SARDH: variants seen among roughly 807,000 people sequenced by gnomAD.
SARDH encodes sarcosine dehydrogenase.
In SARDH, 95 loss-of-function variants were observed where a neutral mutation model predicts 109.1. That is an observed-to-expected ratio of 0.87 (90% CI 0.74 to 1.03). SARDH has a LOEUF of 1.03. Ranked by LOEUF, SARDH falls within the 50% of genes least tolerant of loss-of-function variation. SARDH has a pLI of 0.00. For synonymous variants in SARDH, 572 were observed against 534.8 expected (o/e 1.07, Z -0.96); for missense variants, 1,267 against 1,287.8 (o/e 0.98, Z 0.25).
intron 6 of SARDH, among the ~76,000 whole-genome samples, chr9:133,719,327 G>A (rs1235176865): frequency 6.6e-6 from 1 of 152,166 alleles, no homozygotes; most frequent in Non-Finnish European, 1.5e-5. Context: ...GGAAGGGAGG[G>A]AAGCAAAACA....
chr9:133,737,299 A>AG (rs1832917004), intron 1 of SARDH, among the ~76,000 whole-genome samples: 3 of 152,210 alleles, frequency 2.0e-5, no homozygotes, highest in Non-Finnish European at 4.4e-5. Context: ...GTCTGATTGC[A>AG]GCGGCGTAGG....
intron 6 of SARDH, among the ~76,000 whole-genome samples, chr9:133,723,109 A>G (rs551829123): frequency 6.6e-6 from 1 of 152,238 alleles, no homozygotes; most frequent in Non-Finnish European, 1.5e-5. Context: ...AAAAACTAGA[A>G]AATACTTTCG....
intron 17 of SARDH, among the ~76,000 whole-genome samples, chr9:133,676,087 T>C (rs1235762439): frequency 1.6e-5 from 2 of 126,674 alleles, no homozygotes; most frequent in Non-Finnish European, 3.1e-5. Flanking sequence ...TAAGACCCTG[T>C]CTGAAATTAA....
chr9:133,663,513 C>T (rs1005037072), downstream of SARDH: 6 of 261,720 alleles, frequency 2.3e-5, no homozygotes, highest in African/African-American at 4.3e-5. Flanking sequence ...AGCCCGCCAC[C>T]GATCAGTCAA....
In SARDH at chr9:133,728,543, G is replaced by A. The variant is rs1832569574; in HGVS notation, c.915+1222C>T. ...TCAAGAGCCTCACCTAGATGCAGCTGCCTCCTCCAGGGAGCCTCCCCTGGT... is the reference window on the plus strand; with the variant it reads ...TCAAGAGCCTCACCTAGATGCAGCTACCTCCTCCAGGGAGCCTCCCCTGGT... On this transcript the variant is annotated intron_variant, in intron 6 of 20. Coordinates refer to ENST00000439388, the MANE Select transcript of SARDH (RefSeq NM_001134707.2). This position sits in a 1 kb window ranked among gnomAD's most constrained non-coding sequence, Gnocchi z 5.0. Among the ~76,000 whole-genome samples, 1 of 152,180 alleles carries A rather than the reference G, an allele frequency of 6.6e-6. No individual in the cohort carries two copies. Among genetic ancestry groups the A allele is most frequent in the African/African-American group, 2.4e-5 (1 of 41,442 alleles).
At position 133,695,171 on chromosome 9, in the gene SARDH, G is replaced by A. The variant is rs181710491; in HGVS notation, c.1808-800C>T. Among the ~76,000 whole-genome samples, 6 of 152,278 alleles carry A rather than the reference G, an allele frequency of 3.9e-5. No individual in the cohort carries two copies. In the East Asian group the frequency reaches 9.6e-4, roughly 24 times the overall value. On this transcript the variant is annotated intron_variant, in intron 14 of 20. Transcript: ENST00000439388. Reference sequence around the variant, plus strand: ...AATCTGACTGCTGTCCTTCTAACACGGTGGCTCACACCTGTAATCCCAGCA... The same window carrying A: ...AATCTGACTGCTGTCCTTCTAACACAGTGGCTCACACCTGTAATCCCAGCA...
At chr9:133,732,047 A>G (rs1564300716) in intron 3 of SARDH, among the ~76,000 whole-genome samples, 2 of 152,164 alleles carry the variant, frequency 1.3e-5, no homozygotes. Flanking sequence ...CTGTCTGGGA[A>G]TTCTGAATGA....
Position 133,731,482 on chromosome 9 carries a change from C to CAGCTAGGGGGACCCAGGGGAGGTT in SARDH, c.511-22_512dup (p.Leu171_Gly172insThrSerProGlySerProTer). On this transcript the variant is annotated stop_gained and inframe_insertion and splice_region_variant, in exon 4 of 21. Coordinates refer to ENST00000439388, the MANE Select transcript of SARDH (RefSeq NM_001134707.2). LOFTEE classifies it high-confidence loss of function. ...GGGATTCCACACCATACGCCTTGCCCAGCTAGGGGGACCCAGGGGAGGTTA... is the reference window on the plus strand; with the variant it reads ...GGGATTCCACACCATACGCCTTGCCCAGCTAGGGGGACCCAGGGGAGGTTAGCTAGGGGGACCCAGGGGAGGTTA... 1 of 1,614,008 alleles carries CAGCTAGGGGGACCCAGGGGAGGTT rather than the reference C, an allele frequency of 6.2e-7. No individual in the cohort carries two copies. Among genetic ancestry groups the CAGCTAGGGGGACCCAGGGGAGGTT allele is most frequent in the Non-Finnish European group, 8.5e-7 (1 of 1,179,922 alleles).
intron 8 of SARDH, among the ~76,000 whole-genome samples, chr9:133,715,842 G>A (rs1167441294): frequency 6.6e-6 from 1 of 152,204 alleles, no homozygotes; most frequent in Non-Finnish European, 1.5e-5. Flanking sequence ...TCTCACAGAT[G>A]CACCTACTCC....
At position 133,733,847 on chromosome 9, in the gene SARDH, C is replaced by A; in HGVS notation, c.327G>T (p.Thr109=). The A allele has an allele frequency of 6.8e-7, 1 of 1,463,124 alleles. No homozygotes were observed. Among genetic ancestry groups the A allele is most frequent in the Non-Finnish European group, 9.0e-7 (1 of 1,105,854 alleles). 90.6% of individuals were successfully genotyped at this position (1,463,124 alleles called of 1,614,324 possible). ...TACCTGGCCCCCGGTCCCTACCTGC[C>A]GTGTGCCAGGTGGTCCCGGAGGTCA... ...ERLTSGTTWH[T]AGLLWQLRPS... Residue 109 remains threonine (T), a synonymous_variant, in exon 2 of 21, where the codon ACG becomes ACT. Coordinates refer to ENST00000439388, the MANE Select transcript of SARDH (RefSeq NM_001134707.2).
chr9:133,707,111 T>G (rs1208977908), intron 11 of SARDH, among the ~76,000 whole-genome samples: 1 of 152,094 alleles, frequency 6.6e-6, no homozygotes, highest in Non-Finnish European at 1.5e-5. Flanking sequence ...GAGAACAAAC[T>G]TAAGCGGCTG....
At chr9:133,725,600 C>T (rs536420162) in intron 6 of SARDH, 37 of 391,800 alleles carry the variant, frequency 9.4e-5, no homozygotes, top group Admixed American at 1.7e-4. Flanking sequence ...TGCTTGAACC[C>T]GGGAGGCGGA....
At chr9:133,707,482 G>C (rs1206517630) in intron 11 of SARDH, among the ~76,000 whole-genome samples, 1 of 152,182 alleles carries the variant, frequency 6.6e-6, no homozygotes. Flanking sequence ...TCCCCAGGAG[G>C]TACAGCTAAT....
chr9:133,739,034 T>A (rs1832976779), upstream of SARDH, among the ~76,000 whole-genome samples: 1 of 152,124 alleles, frequency 6.6e-6, no homozygotes, highest in African/African-American at 2.4e-5. Flanking sequence ...CACAGCAAGC[T>A]GGTGGAGGAG....
chr9:133,739,666 AG>A (rs1267023661), upstream of SARDH: 1 of 152,344 alleles, frequency 6.6e-6, no homozygotes, highest in African/African-American at 2.4e-5. Context: ...CCCAGTGGAA[AG>A]CTGGCCCCGC....
rs753077557 is a variant in SARDH at position 133,717,430 on chromosome 9, A to G, written c.1046T>C (p.Leu349Pro). ...EEVSDKFAFG[L>P]FDLDWEVFTQ... ...GAACACCTCCCAGTCCAGGTCAAAG[A>G]GGCCGAAGGCAAACTTGTCTGACAC... The change falls in exon 8 of 21, where the codon CTC becomes CCC. Residue 349 changes from leucine (L) to proline (P), a missense_variant. Transcript: ENST00000439388. The G allele has an allele frequency of 2.5e-6, 4 of 1,614,094 alleles. No homozygotes were observed. The Admixed American group carries it at 6.7e-5, about 27-fold the overall frequency.
At chr9:133,683,036 C>A (rs952133367) in intron 17 of SARDH, among the ~76,000 whole-genome samples, 1 of 152,248 alleles carries the variant, frequency 6.6e-6, no homozygotes, top group African/African-American at 2.4e-5. Context: ...CCCTGCACCC[C>A]CCACGCTGTG....
At position 133,708,375 on chromosome 9, in the gene SARDH, T is replaced by C; in HGVS notation, c.1382A>G (p.His461Arg). ...GGAGTAGTTCTTGGCGTAGGACTCA[T>C]GGCTTCGCTCTCGGATCCAGCGGGG... ...DHPRWIRERSHESYAKNYSVV... is the reference protein window; with the variant it reads ...DHPRWIRERSRESYAKNYSVV... The change falls in exon 11 of 21, where the codon CAT becomes CGT. Residue 461 changes from histidine to arginine, a missense_variant. By Grantham distance (29) the His-to-Arg change is conservative (BLOSUM62 0). Transcript: ENST00000439388. 6.2e-7 allele frequency: 1 copy of C among 1,613,080 alleles called. No individual in the cohort carries two copies. Among genetic ancestry groups the C allele is most frequent in the Non-Finnish European group, 8.5e-7 (1 of 1,179,682 alleles).
At chr9:133,698,463 A>C (rs538846166) in intron 13 of SARDH, among the ~76,000 whole-genome samples, 1 of 152,362 alleles carries the variant, frequency 6.6e-6, no homozygotes, top group East Asian at 1.9e-4. Flanking sequence ...ATAATACTCA[A>C]AACAATATTG....
Sources: gnomAD v4.1 joint callset for allele counts (sites outside exome capture counted in the v4.1 genomes callset) on GRCh38, gnomAD v4.1.1 for gene constraint, Gnocchi (gnomAD v3.1) non-coding constraint, MANE v1.5 for transcripts, NCBI Gene and HGNC (gene_info 2026-07-23, HGNC 2026-07-21) for gene names.